CTDSP1: variants seen among roughly 807,000 people sequenced by gnomAD.
The protein encoded by CTDSP1 is carboxy-terminal domain RNA polymerase II polypeptide A small phosphatase 1.
In CTDSP1, 15 loss-of-function variants were observed where a neutral mutation model predicts 32.5. That is an observed-to-expected ratio of 0.46 (90% CI 0.31 to 0.71). CTDSP1 has a LOEUF of 0.71. Ranked by LOEUF, CTDSP1 falls within the 30% of genes least tolerant of loss-of-function variation. The pLI is 0.05. For synonymous variants in CTDSP1, 185 were observed against 145.4 expected (o/e 1.27, Z -1.96); for missense variants, 294 against 351.1 (o/e 0.84, Z 1.30).
At chr2:218,401,757 C>T (rs1385947593) in intron 2 of CTDSP1, 45 bp downstream of exon 2, 1 of 1,496,548 alleles carries the variant, frequency 6.7e-7, no homozygotes, top group East Asian at 2.3e-5. Context: ...TGGACTCAGT[C>T]TTCAGGGCTT....
At chr2:218,398,834 C>T (rs927333981), upstream of CTDSP1, 1 of 163,726 alleles carries the variant, frequency 6.1e-6, no homozygotes, top group Non-Finnish European at 1.3e-5. Flanking sequence ...AAAGACCAAC[C>T]CGCAGACCCA....
chr2:218,400,601 G>A, intron 1 of CTDSP1: 1 of 385,412 alleles, frequency 2.6e-6, no homozygotes, highest in Non-Finnish European at 5.2e-6. Context: ...GCGCCGAGGT[G>A]ACAGCAGGCT....
At chr2:218,398,301 G>A (rs1259568783), upstream of CTDSP1, 7 of 978,274 alleles carry the variant, frequency 7.2e-6, no homozygotes, top group Non-Finnish European at 1.1e-5. Flanking sequence ...CCTCATCTGT[G>A]AAATGGGTTA....
chr2:218,400,049 G>T lies in CTDSP1; in HGVS notation c.-42G>T, dbSNP rs1308748092. The T allele has an allele frequency of 1.5e-6, 2 of 1,344,868 alleles. No individual in the cohort carries two copies. The highest frequency in any genetic ancestry group is 4.0e-5 in the Admixed American group (1 of 24,980). The allele number at this position is 1,344,868 out of a possible 1,614,324, so 83.3% of individuals were successfully genotyped here. On this transcript the variant is annotated 5_prime_UTR_variant, in exon 1 of 7. Transcript: ENST00000273062. The stretch of plus-strand genomic sequence containing the variant: ...GCCCCAGCCGGGGGGGAGGCCGGGC[G>T]CCCGGGCCAGAGTCCGGCCGGAGCG...
chr2:218,398,570 T>TTCCCC, upstream of CTDSP1: 1 of 855,786 alleles, frequency 1.2e-6, no homozygotes, highest in Non-Finnish European at 1.7e-6. Context: ...CTCCCCTCCC[T>TTCCCC]TCCCCTCCCG....
upstream of CTDSP1, chr2:218,398,570 T>G: frequency 5.8e-5 from 50 of 855,702 alleles, no homozygotes; most frequent in Non-Finnish European, 6.3e-5. Flanking sequence ...CTCCCCTCCC[T>G]TCCCCTCCCG....
Position 218,399,937 on chromosome 2 carries a change from C to CGCG in CTDSP1, c.-154_-153insGCG. 1 of 1,134,498 alleles carries CGCG rather than the reference C, an allele frequency of 8.8e-7. No homozygotes were observed. Among genetic ancestry groups the CGCG allele is most frequent in the Non-Finnish European group, 1.1e-6 (1 of 917,728 alleles). The allele number at this position is 1,134,498 out of a possible 1,614,324, so 70.3% of individuals were successfully genotyped here. ...CCTCCGCGCCCCCTCCCTCCCCCTC[C>CGCG]CCCCTAGAACCTGGCTCCCCTCCCC... On this transcript the variant is annotated 5_prime_UTR_variant, in exon 1 of 7. Transcript: ENST00000273062.
intron 6 of CTDSP1, 146 bp downstream of exon 6, chr2:218,403,563 C>T: frequency 1.5e-6 from 1 of 668,732 alleles, no homozygotes; most frequent in South Asian, 2.0e-5. Context: ...GTGCCTGCCG[C>T]CCACTCCCCT....
In CTDSP1 at chr2:218,401,680, C is replaced by A; in HGVS notation, c.184C>A (p.Leu62Met). 1 of 1,601,474 alleles carries A rather than the reference C, an allele frequency of 6.2e-7. No individual in the cohort carries two copies. The change falls in exon 2 of 7, where the codon CTG becomes ATG. Residue 62 changes from leucine to methionine, a missense_variant. Transcript: ENST00000273062. ...EALPAHSGAPLLVEENGAIPK... is the reference protein window; with the variant it reads ...EALPAHSGAPMLVEENGAIPK... ...CCTGCCTGCTCACAGCGGGGCGCCC[C>A]TGCTTGTGGAGGAGAATGGCGCCAT...
chr2:218,404,667 C>CT lies in CTDSP1; in HGVS notation c.*243dup. On this transcript the variant is annotated 3_prime_UTR_variant, in exon 7 of 7. Transcript: ENST00000273062. ...ACCTCCTCCCCTATTCTCAGGGGAC[C>CT]TGGGGGGCCCTGCCTGCTGCTCCCT... The CT allele has an allele frequency of 2.2e-6, 1 of 461,494 alleles. No individual in the cohort carries two copies. Among genetic ancestry groups the CT allele is most frequent in the Non-Finnish European group, 3.8e-6 (1 of 260,538 alleles). 28.6% of individuals were successfully genotyped at this position (461,494 alleles called of 1,614,324 possible).
rs1346157557 is a variant in CTDSP1, at chr2:218,401,692, G to A, written c.196G>A (p.Glu66Lys). Reference protein sequence around the residue: ...AHSGAPLLVEENGAIPKQTPV... With the variant: ...AHSGAPLLVEKNGAIPKQTPV... ...CAGCGGGGCGCCCCTGCTTGTGGAGGAGAATGGCGCCATCCCTAAGGTGCG... is the reference window on the plus strand; with the variant it reads ...CAGCGGGGCGCCCCTGCTTGTGGAGAAGAATGGCGCCATCCCTAAGGTGCG... Residue 66 changes from glutamate (E) to lysine (K), a missense_variant, in exon 2 of 7, where the codon GAG becomes AAG. Physicochemically the swap from Glu to Lys is moderately conservative, Grantham distance 56. Transcript: ENST00000273062. 1 of 1,595,802 alleles carries A rather than the reference G, an allele frequency of 6.3e-7. No homozygotes were observed. The highest frequency in any genetic ancestry group is 1.3e-5 in the African/African-American group (1 of 74,434).
chr2:218,404,343 A>G lies in CTDSP1; in HGVS notation c.704A>G (p.His235Arg), dbSNP rs779215022. 6.2e-7 allele frequency: 1 copy of G among 1,614,168 alleles called. No individual in the cohort carries two copies. Among genetic ancestry groups the G allele is most frequent in the South Asian group, 1.1e-5 (1 of 91,084 alleles). ...GACAACATGAGTGACACAGAGCTCCACGACCTCCTCCCCTTCTTCGAGCAA... is the reference window on the plus strand; with the variant it reads ...GACAACATGAGTGACACAGAGCTCCGCGACCTCCTCCCCTTCTTCGAGCAA... ...WFDNMSDTEL[H>R]DLLPFFEQLS... The change falls in exon 7 of 7, where the codon CAC becomes CGC. Residue 235 changes from histidine to arginine, a missense_variant. His to Arg is a conservative substitution (Grantham distance 29, BLOSUM62 0). Transcript: ENST00000273062.
At chr2:218,403,520 G>T (rs1697263958) in intron 6 of CTDSP1, 103 bp downstream of exon 6, 1 of 1,085,856 alleles carries the variant, frequency 9.2e-7, no homozygotes, top group Non-Finnish European at 1.3e-6. Flanking sequence ...TGGGGGGTGG[G>T]TGCCCTCCCA....
At position 218,402,340 on chromosome 2, in the gene CTDSP1, C is replaced by G; in HGVS notation, c.322-9C>G. Reference sequence around the variant, plus strand: ...TCCTCCAACTCCAGCAGCTCTTTTCCCCCCACAGCCAGTGAACAACGCGGA... The same window carrying G: ...TCCTCCAACTCCAGCAGCTCTTTTCGCCCCACAGCCAGTGAACAACGCGGA... On this transcript the variant is annotated splice_polypyrimidine_tract_variant and intron_variant, in intron 3 of 6. Coordinates refer to ENST00000273062, the MANE Select transcript of CTDSP1 (RefSeq NM_021198.3). 1 of 1,613,938 alleles carries G rather than the reference C, an allele frequency of 6.2e-7. No individual in the cohort carries two copies. Among genetic ancestry groups the G allele is most frequent in the Non-Finnish European group, 8.5e-7 (1 of 1,179,980 alleles).
upstream of CTDSP1, chr2:218,396,422 C>T (rs1323972138): frequency 1.3e-5 from 2 of 152,448 alleles, no homozygotes; most frequent in African/African-American, 4.8e-5. Flanking sequence ...ACAGGCCTTT[C>T]CCTAGAGTTG....
chr2:218,399,488 C>T (rs1044891862), upstream of CTDSP1: 2 of 152,344 alleles, frequency 1.3e-5, no homozygotes, highest in African/African-American at 4.8e-5. Context: ...GTGCTATCTC[C>T]AAGTCCTCAA....
chr2:218,402,360 C>A lies in CTDSP1; in HGVS notation c.333C>A (p.Asn111Lys). Residue 111 changes from asparagine (N) to lysine (K), a missense_variant, in exon 4 of 7, where the codon AAC becomes AAA. Transcript: ENST00000273062. Reference protein sequence around the residue: ...LVHSSFKPVNNADFIIPVEID... With the variant: ...LVHSSFKPVNKADFIIPVEID... The stretch of plus-strand genomic sequence containing the variant: ...TTTTCCCCCCACAGCCAGTGAACAA[C>A]GCGGACTTCATCATCCCTGTGGAGA... The A allele has an allele frequency of 1.9e-6, 3 of 1,613,802 alleles. No individual in the cohort carries two copies. Among genetic ancestry groups the A allele is most frequent in the Non-Finnish European group, 2.5e-6 (3 of 1,179,842 alleles).
Position 218,404,769 on chromosome 2 carries a change from TG to T in CTDSP1, c.*349del, listed in dbSNP as rs1697332426. On this transcript the variant is annotated 3_prime_UTR_variant, in exon 7 of 7. Transcript: ENST00000273062. ...CTTGGCCCCTTCCGGTTCTGCTTCCTGGGGGCAGGGTTCCTGCCTTGGACCC... is the reference window on the plus strand; with the variant it reads ...CTTGGCCCCTTCCGGTTCTGCTTCCTGGGGCAGGGTTCCTGCCTTGGACCC... 4.5e-6 allele frequency: 1 copy of T among 222,308 alleles called. No individual in the cohort carries two copies. The highest frequency in any genetic ancestry group is 8.2e-5 in the South Asian group (1 of 12,188). 13.8% of individuals were successfully genotyped at this position (222,308 alleles called of 1,614,324 possible).
Position 218,403,038 on chromosome 2 carries a change from T to C in CTDSP1, c.382T>C (p.Tyr128His). 1 of 1,613,650 alleles carries C rather than the reference T, an allele frequency of 6.2e-7. No homozygotes were observed. The highest frequency in any genetic ancestry group is 8.5e-7 in the Non-Finnish European group (1 of 1,179,790). Residue 128 changes from tyrosine to histidine, a missense_variant, in exon 5 of 7, where the codon TAC becomes CAC. Tyr to His is a moderately conservative substitution (Grantham distance 83, BLOSUM62 2). This residue lies in a region of CTDSP1 where 146 missense variants were observed against 237.7 expected (regional missense o/e 0.61). Coordinates refer to ENST00000273062, the MANE Select transcript of CTDSP1 (RefSeq NM_021198.3). Reference protein sequence around the residue: ...VEIDGVVHQVYVLKRPHVDEF... With the variant: ...VEIDGVVHQVHVLKRPHVDEF... ...CCCTCACTGGCCCGCCCCCCAGGTC[T>C]ACGTGTTGAAGCGTCCTCACGTGGA... is the stretch of plus-strand genomic sequence containing the variant.
Sources: allele counts gnomAD v4.1 joint callset, GRCh38; gene constraint gnomAD v4.1.1; regional missense constraint gnomAD v4.1.1; transcripts MANE v1.5; gene names NCBI Gene and HGNC (gene_info 2026-07-23, HGNC 2026-07-21).